The following DNAH11 variants were observed in gnomAD, a reference collection of about 807,000 sequenced individuals.
The protein encoded by DNAH11 is axonemal beta dynein heavy chain 11.
Under a neutral mutation model 526.0 loss-of-function variants are expected in DNAH11, and 442 were observed. The ratio of observed to expected loss-of-function variants is 0.84; its 90% CI spans 0.78 to 0.91. The LOEUF is 0.91. DNAH11 is among the 40% of genes least tolerant of loss of function. The pLI, the probability that DNAH11 is intolerant of heterozygous loss-of-function variation, is 0.00. For missense variants in DNAH11, 6,989 were observed against 5,448.7 expected, an observed-to-expected ratio of 1.28 and a Z score of -8.90; for synonymous variants, 2,461 against 1,935.9, an observed-to-expected ratio of 1.27 and a Z score of -7.12.
chr7:21,737,565 C>T (rs975952814), intron 46 of DNAH11, among the ~76,000 whole-genome samples: 1 of 152,124 alleles, frequency 6.6e-6, no homozygotes. Context: ...ATCAGTCCCC[C>T]TGAGTAGTAT....
chr7:21,664,134 GTTT>G (rs5882820), intron 30 of DNAH11, among the ~76,000 whole-genome samples: 2 of 131,380 alleles, frequency 1.5e-5, no homozygotes, highest in Non-Finnish European at 3.2e-5. Context: ...ATTTCCCAAA[GTTT>G]TTTTTTTTTT....
chr7:21,606,842 A>G, intron 20 of DNAH11, 109 bp downstream of exon 20: 2 of 992,448 alleles, frequency 2.0e-6, no homozygotes, highest in Non-Finnish European at 3.0e-6. Flanking sequence ...TGTTATAGGA[A>G]TTGATTTATT....
rs1166791175 is a variant in DNAH11, at chr7:21,726,860, C to CAA, written c.7440+906_7440+907dup. Among the ~76,000 whole-genome samples, 76 of 13,812 alleles carry CAA rather than the reference C, an allele frequency of 5.5e-3. 13 individuals are homozygous for CAA. Among genetic ancestry groups the CAA allele is most frequent in the African/African-American group, 0.021 (54 of 2,584 alleles). 9.1% of individuals were successfully genotyped at this position (13,812 alleles called of 152,430 possible). A position where few individuals can be genotyped will look rare whatever the true frequency, so the allele number is the denominator to read the frequency against. Reference sequence around the variant, plus strand: ...TGGGCGACAGAGCAAGACTCTGTCTCAAAAAAAAAAAAAAAAAAAAAAAAA... The same window carrying CAA: ...TGGGCGACAGAGCAAGACTCTGTCTCAAAAAAAAAAAAAAAAAAAAAAAAAAA... On this transcript the variant is annotated intron_variant, in intron 45 of 81. Coordinates refer to ENST00000409508, the MANE Select transcript of DNAH11 (RefSeq NM_001277115.2).
chr7:21,743,841 G>A (rs1278158581), intron 49 of DNAH11, among the ~76,000 whole-genome samples: 2 of 152,126 alleles, frequency 1.3e-5, no homozygotes, highest in African/African-American at 4.8e-5. Context: ...GCCTTTTGCA[G>A]CTCAGTTCTC....
chr7:21,709,078 A>G (rs1784371315), intron 40 of DNAH11, among the ~76,000 whole-genome samples: 1 of 152,232 alleles, frequency 6.6e-6, no homozygotes, highest in South Asian at 2.1e-4. Flanking sequence ...ATTACTGGGT[A>G]TATACCTAAA....
At chr7:21,682,866 G>A (rs1783202215) in intron 31 of DNAH11, among the ~76,000 whole-genome samples, 1 of 152,060 alleles carries the variant, frequency 6.6e-6, no homozygotes, top group Admixed American at 6.6e-5. Flanking sequence ...CCTTGATCCA[G>A]CTTCAGGACC....
chr7:21,598,324 G>A (rs1784942870), intron 14 of DNAH11, among the ~76,000 whole-genome samples: 3 of 152,078 alleles, frequency 2.0e-5, no homozygotes, highest in Admixed American at 2.0e-4. Context: ...AATCAACTTT[G>A]CTGCCCACCT....
chr7:21,736,185 A>G (rs1469500985), intron 46 of DNAH11, among the ~76,000 whole-genome samples: 1 of 152,202 alleles, frequency 6.6e-6, no homozygotes, highest in Non-Finnish European at 1.5e-5. Context: ...TGTTCTGGTT[A>G]CTTTTTCAAG....
At chr7:21,658,192 C>T (rs1205855338) in intron 29 of DNAH11, among the ~76,000 whole-genome samples, 1 of 151,914 alleles carries the variant, frequency 6.6e-6, no homozygotes, top group Non-Finnish European at 1.5e-5. Flanking sequence ...TACAAGTCAG[C>T]AGTTGTCCTA....
chr7:21,654,889 C>T (rs192326264), intron 28 of DNAH11, among the ~76,000 whole-genome samples: 48 of 152,292 alleles, frequency 3.2e-4, no homozygotes, highest in African/African-American at 1.1e-3. Flanking sequence ...GACAAAAACA[C>T]AGGGCAGTGC....
At chr7:21,891,082 A>AATTC (rs1362476930) in intron 76 of DNAH11, among the ~76,000 whole-genome samples, 3 of 152,178 alleles carry the variant, frequency 2.0e-5, no homozygotes, top group Non-Finnish European at 4.4e-5. Context: ...ATTGTGTGGA[A>AATTC]ATTCACACTT....
At position 21,591,238 on chromosome 7, in the gene DNAH11, G is replaced by C; in HGVS notation, c.2328G>C (p.Thr776=). ...LVQGYNKLKQ[T]LLEVEYPLIE... The stretch of plus-strand genomic sequence containing the variant: ...AAGGGTATAATAAACTCAAACAGAC[G>C]CTCCTGGAAGTTGAATACCCTCTGA... Residue 776 remains threonine, a synonymous_variant, in exon 14 of 82, where the codon ACG becomes ACC. Coordinates refer to ENST00000409508, the MANE Select transcript of DNAH11 (RefSeq NM_001277115.2). 6.3e-7 allele frequency: 1 copy of C among 1,585,490 alleles called. No individual in the cohort carries two copies. Among genetic ancestry groups the C allele is most frequent in the Non-Finnish European group, 8.6e-7 (1 of 1,166,008 alleles).
chr7:21,593,933 T>A (rs1169840133), intron 14 of DNAH11, among the ~76,000 whole-genome samples: 5 of 145,354 alleles, frequency 3.4e-5, no homozygotes, highest in Non-Finnish European at 7.5e-5. Flanking sequence ...ACACACACAC[T>A]CTCTTTCACA....
Position 21,738,867 on chromosome 7 carries a change from G to T in DNAH11, c.7811+1G>T. ...GGCAGCATATTGATTATGGACATTG[G>T]TAAGCAAGTCTCTGTAGTTTACTCT... On this transcript the variant is annotated splice_donor_variant, in intron 47 of 81. Transcript: ENST00000409508. LOFTEE classifies it high-confidence loss of function. 6.3e-7 allele frequency: 1 copy of T among 1,587,964 alleles called. No individual in the cohort carries two copies. The highest frequency in any genetic ancestry group is 1.2e-5 in the South Asian group (1 of 83,674).
At chr7:21,590,137 A>G (rs1210524440) in intron 12 of DNAH11, among the ~76,000 whole-genome samples, 3 of 152,164 alleles carry the variant, frequency 2.0e-5, no homozygotes, top group Admixed American at 6.5e-5. Context: ...GTTATGTAAC[A>G]ATGGGATTTT....
intron 30 of DNAH11, 135 bp downstream of exon 30, chr7:21,659,166 AGTT>A: frequency 1.3e-6 from 1 of 748,188 alleles, no homozygotes; most frequent in South Asian, 2.0e-5. Context: ...TTTAGCAATC[AGTT>A]GTTAAATCAT....
chr7:21,622,511 A>G (rs967059528), intron 25 of DNAH11, among the ~76,000 whole-genome samples: 1 of 152,222 alleles, frequency 6.6e-6, no homozygotes, highest in Non-Finnish European at 1.5e-5. Context: ...CGCATTGCCA[A>G]GTCAATCCTA....
chr7:21,785,875 A>G (rs544926077), intron 58 of DNAH11, among the ~76,000 whole-genome samples: 5 of 152,372 alleles, frequency 3.3e-5, no homozygotes, highest in Non-Finnish European at 7.3e-5. Flanking sequence ...ATAAGGTTTT[A>G]TAAGCAAGAG....
chr7:21,793,852 CA>C (rs1788586067), intron 61 of DNAH11, among the ~76,000 whole-genome samples: 2 of 152,246 alleles, frequency 1.3e-5, no homozygotes, highest in South Asian at 4.2e-4. Flanking sequence ...TTTCTTTGAA[CA>C]AGCTTTCTAC....
Sources: gnomAD v4.1 joint callset for allele counts (sites outside exome capture counted in the v4.1 genomes callset) on GRCh38, gnomAD v4.1.1 for gene constraint, MANE v1.5 for transcripts, NCBI Gene and HGNC (gene_info 2026-07-23, HGNC 2026-07-21) for gene names.